TNS3: variants seen among roughly 807,000 people sequenced by gnomAD.
TNS3 encodes the protein tensin 3.
Under a neutral mutation model 140.9 loss-of-function variants are expected in TNS3, and 45 were observed. The ratio of observed to expected loss-of-function variants is 0.32; its 90% CI spans 0.25 to 0.41. TNS3 has a LOEUF of 0.41. Among genes scored for constraint, TNS3 ranks in the 10% least tolerant of loss-of-function variants. The pLI, the probability that TNS3 is intolerant of heterozygous loss-of-function variation, is 1.00. For missense variants in TNS3, 1,716 were observed against 1,906.7 expected, an observed-to-expected ratio of 0.90 and a Z score of 1.86; for synonymous variants, 815 against 788.4, an observed-to-expected ratio of 1.03 and a Z score of -0.56.
chr7:47,442,858 C>T (rs1311723639), intron 4 of TNS3, among the ~76,000 whole-genome samples: 1 of 152,228 alleles, frequency 6.6e-6, no homozygotes, highest in African/African-American at 2.4e-5. Flanking sequence ...CCCACAGACA[C>T]CACCATCAGA....
chr7:47,336,304 C>T (rs1584426675), intron 20 of TNS3, among the ~76,000 whole-genome samples: 8 of 151,984 alleles, frequency 5.3e-5, no homozygotes, highest in Admixed American at 4.6e-4. Flanking sequence ...GTAAACAATC[C>T]CGCCCTGGCA....
At chr7:47,514,611 C>T (rs1798719342) in intron 2 of TNS3, among the ~76,000 whole-genome samples, 2 of 152,160 alleles carry the variant, frequency 1.3e-5, no homozygotes, top group Admixed American at 6.5e-5. Context: ...CAACTCTCAT[C>T]TCCTTTAGGC....
intron 9 of TNS3, among the ~76,000 whole-genome samples, 173 bp from the exon 10 acceptor site, chr7:47,424,357 C>T (rs946298285): frequency 6.6e-6 from 1 of 152,156 alleles, no homozygotes; most frequent in African/African-American, 2.4e-5. Flanking sequence ...GACTTCATTT[C>T]CCCCGCAGGA....
intron 4 of TNS3, among the ~76,000 whole-genome samples, chr7:47,454,219 G>A (rs1796151195): frequency 6.6e-6 from 1 of 152,090 alleles, no homozygotes; most frequent in South Asian, 2.1e-4. Flanking sequence ...TAACTAGCCA[G>A]GGGTGCACTG....
intron 27 of TNS3, among the ~76,000 whole-genome samples, chr7:47,284,187 C>T (rs1042551639): frequency 1.3e-5 from 2 of 152,190 alleles, no homozygotes; most frequent in South Asian, 2.1e-4. Context: ...ATTAAACCCT[C>T]GTGTCCCAGG....
intron 17 of TNS3, among the ~76,000 whole-genome samples, chr7:47,347,080 C>T (rs1212921359): frequency 3.9e-5 from 6 of 152,054 alleles, no homozygotes; most frequent in Non-Finnish European, 7.4e-5. Context: ...AACCTGCTGC[C>T]GGCTATTAAA....
chr7:47,321,358 G>A (rs1177310244), intron 20 of TNS3, among the ~76,000 whole-genome samples: 3 of 152,096 alleles, frequency 2.0e-5, no homozygotes, highest in Non-Finnish European at 4.4e-5. Flanking sequence ...GCGTCTCCAC[G>A]GTCATGCACC....
intron 4 of TNS3, among the ~76,000 whole-genome samples, chr7:47,479,865 A>G (rs889095153): frequency 6.6e-6 from 1 of 152,096 alleles, no homozygotes. Context: ...GCCATTGCAT[A>G]AAGGAGAAAA....
At chr7:47,391,896 A>G (rs1331300528) in intron 16 of TNS3, among the ~76,000 whole-genome samples, 1 of 152,140 alleles carries the variant, frequency 6.6e-6, no homozygotes, top group African/African-American at 2.4e-5. Flanking sequence ...AGGAAAGTCA[A>G]GGGTATGAGC....
intron 4 of TNS3, among the ~76,000 whole-genome samples, chr7:47,451,304 G>A (rs554964355): frequency 6.6e-6 from 1 of 152,308 alleles, no homozygotes; most frequent in South Asian, 2.1e-4. Context: ...AAAAGGCCAG[G>A]CACAGTGGCT....
chr7:47,448,743 C>T (rs1795874034), intron 4 of TNS3, among the ~76,000 whole-genome samples: 1 of 152,200 alleles, frequency 6.6e-6, no homozygotes, highest in Non-Finnish European at 1.5e-5. Flanking sequence ...GCTTCCAATG[C>T]TGGGATTGCA....
chr7:47,370,073 C>G (rs1270705743), intron 16 of TNS3, among the ~76,000 whole-genome samples: 2 of 152,126 alleles, frequency 1.3e-5, no homozygotes, highest in African/African-American at 4.8e-5. Context: ...GGGTAGCAAA[C>G]TCCTACTAAA....
intron 4 of TNS3, among the ~76,000 whole-genome samples, chr7:47,479,497 T>G (rs1237121800): frequency 8.3e-6 from 1 of 120,746 alleles, no homozygotes; most frequent in Non-Finnish European, 1.7e-5. Context: ...CACCCCCCCG[T>G]CGGCGGTGAG....
At chr7:47,287,042 T>C (rs1238681379) in intron 27 of TNS3, among the ~76,000 whole-genome samples, 2 of 152,082 alleles carry the variant, frequency 1.3e-5, no homozygotes, top group Admixed American at 1.3e-4. Flanking sequence ...GATCTATGAG[T>C]AGTTCATTTT....
At chr7:47,317,049 C>A (rs1219971068) in intron 20 of TNS3, among the ~76,000 whole-genome samples, 1 of 152,152 alleles carries the variant, frequency 6.6e-6, no homozygotes, top group Non-Finnish European at 1.5e-5. Flanking sequence ...TGAATCTTTT[C>A]TTTTTAAAAT....
intron 16 of TNS3, among the ~76,000 whole-genome samples, chr7:47,372,428 G>C (rs1791128508): frequency 6.6e-6 from 1 of 152,124 alleles, no homozygotes; most frequent in Non-Finnish European, 1.5e-5. Flanking sequence ...CTGTCAAAAA[G>C]TGCTTATTAA....
intron 4 of TNS3, among the ~76,000 whole-genome samples, chr7:47,474,220 CAACACACACAA>C (rs757766948): frequency 4.7e-4 from 71 of 150,126 alleles, no homozygotes; most frequent in Non-Finnish European, 7.5e-4. Context: ...ACCTCACACA[CAACACACACAA>C]AACACCTCAC....
chr7:47,478,425 C>CAT (rs1420796918), intron 4 of TNS3, among the ~76,000 whole-genome samples: 1 of 151,968 alleles, frequency 6.6e-6, no homozygotes, highest in Non-Finnish European at 1.5e-5. Flanking sequence ...CACACACACA[C>CAT]ACACACACAC....
chr7:47,368,385 C>T lies in TNS3; in HGVS notation c.2261G>A (p.Ser754Asn). 1 of 1,494,446 alleles carries T rather than the reference C, an allele frequency of 6.7e-7. No individual in the cohort carries two copies. The highest frequency in any genetic ancestry group is 8.9e-7 in the Non-Finnish European group (1 of 1,120,672). 92.6% of individuals were successfully genotyped at this position (1,494,446 alleles called of 1,614,324 possible). A position where few individuals can be genotyped will look rare whatever the true frequency, so the allele number is the denominator to read the frequency against. The change falls in exon 17 of 31, where the codon AGC becomes AAC. Residue 754 changes from serine to asparagine, a missense_variant. Ser to Asn is a conservative substitution (Grantham distance 46, BLOSUM62 1). Transcript: ENST00000311160. ...CTCACCTTGCCGCCCGGTGGCCCTG[C>T]TGGGGCCCTCTCCTGTGTCAGGCAG... ...SRLPDTGEGP[S>N]RATGRQGSSA...
Sources: allele counts gnomAD v4.1 joint callset (sites outside exome capture counted in the v4.1 genomes callset), GRCh38; gene constraint gnomAD v4.1.1; transcripts MANE v1.5; gene names NCBI Gene and HGNC (gene_info 2026-07-23, HGNC 2026-07-21).